Variants in BUB3 observed in about 807,000 individuals in gnomAD.
BUB3 encodes mitotic checkpoint protein BUB3.
BUB3 carries 22 observed loss-of-function variants against 39.9 expected under a neutral mutation model. That is an observed-to-expected ratio of 0.55 (90% CI 0.39 to 0.79). The LOEUF is 0.79. BUB3 is among the 30% of genes least tolerant of loss of function. BUB3 has a pLI of 0.00. For missense variants in BUB3, 303 were observed against 415.4 expected, an observed-to-expected ratio of 0.73 and a Z score of 2.35; for synonymous variants, 168 against 155.1, an observed-to-expected ratio of 1.08 and a Z score of -0.62.
chr10:123,163,722 A>G, intron 7 of BUB3, 98 bp from the exon 8 acceptor site: 2 of 1,080,524 alleles, frequency 1.9e-6, no homozygotes, highest in South Asian at 1.4e-5. Context: ...CCTGTTGGAT[A>G]AAGGGCTGTG....
chr10:123,161,137 T>C (rs927778062), intron 5 of BUB3, among the ~76,000 whole-genome samples: 10 of 152,174 alleles, frequency 6.6e-5, no homozygotes, highest in African/African-American at 2.2e-4. Flanking sequence ...CTAAATGATA[T>C]TAGCCTGTTT....
intron 7 of BUB3, among the ~76,000 whole-genome samples, chr10:123,163,568 C>G (rs17104755): frequency 0.089 from 13,547 of 152,242 alleles, 652 homozygotes; most frequent in Middle Eastern, 0.11. Flanking sequence ...TGAATGTTTT[C>G]AGGATTCCTG....
intron 3 of BUB3, among the ~76,000 whole-genome samples, chr10:123,156,184 A>T (rs1485053081): frequency 6.6e-6 from 1 of 152,236 alleles, no homozygotes; most frequent in African/African-American, 2.4e-5. Flanking sequence ...GTATTTAGCA[A>T]AATATGTTTC....
At chr10:123,154,745 T>TGATGGGGCGAGTCCGGAC in intron 1 of BUB3, 173 bp from the exon 2 acceptor site, 2 of 674,474 alleles carry the variant, frequency 3.0e-6, no homozygotes, top group Non-Finnish European at 2.4e-6. Flanking sequence ...GGGGGCCGGA[T>TGATGGGGCGAGTCCGGAC]GATGGGGCGA....
At chr10:123,157,693 A>T in intron 3 of BUB3, 36 bp from the exon 4 acceptor site, 1 of 1,541,632 alleles carries the variant, frequency 6.5e-7, no homozygotes, top group Non-Finnish European at 8.8e-7. Context: ...AGTAAGCTAG[A>T]TGTTGGGGTT....
rs558156534 is a variant in BUB3, at chr10:123,155,001, G to A, written c.84G>A (p.Gln28=). The A allele has an allele frequency of 2.5e-6, 4 of 1,614,188 alleles. No individual in the cohort carries two copies. In the African/African-American group the frequency reaches 4.0e-5, roughly 16 times the overall value. ...SSVKFSPNTS[Q]FLLVSSWDTS... ...TGAAGTTCAGCCCCAACACCTCCCA[G>A]TTCCTGCTTGTCTCCTCCTGGGACA... The change falls in exon 2 of 8, where the codon CAG becomes CAA. Residue 28 remains glutamine (Q), a synonymous_variant. Coordinates refer to ENST00000368865, the MANE Select transcript of BUB3 (RefSeq NM_004725.4).
chr10:123,154,825 G>T, intron 1 of BUB3, 93 bp from the exon 2 acceptor site: 3 of 1,371,524 alleles, frequency 2.2e-6, no homozygotes, highest in Non-Finnish European at 2.0e-6. Context: ...CGTCCTCTCG[G>T]CCCCTCCCTC....
At position 123,155,660 on chromosome 10, in the gene BUB3, T is replaced by C. The variant is rs745765887; in HGVS notation, c.198T>C (p.Asp66=). Reference sequence around the variant, plus strand: ...AACGGTTCAAAACTATTTTATAGGATCCAACGCATGCCTGGAGTGGAGGAC... The same window carrying C: ...AACGGTTCAAAACTATTTTATAGGACCCAACGCATGCCTGGAGTGGAGGAC... The part of the protein sequence containing the change: ...TGAVLDCAFY[D]PTHAWSGGLD... The change falls in exon 3 of 8, where the codon GAT becomes GAC. Residue 66 remains aspartate, a splice_region_variant and synonymous_variant. Coordinates refer to ENST00000368865, the MANE Select transcript of BUB3 (RefSeq NM_004725.4). The C allele has an allele frequency of 5.1e-5, 82 of 1,613,886 alleles. No individual in the cohort carries two copies. Among genetic ancestry groups the C allele is most frequent in the Non-Finnish European group, 6.9e-5 (81 of 1,179,870 alleles).
At chr10:123,155,202 C>T (rs1307428887) in intron 2 of BUB3, 90 bp downstream of exon 2, 1 of 1,400,186 alleles carries the variant, frequency 7.1e-7, no homozygotes, top group Admixed American at 2.4e-5. Flanking sequence ...TGGGTAGAGG[C>T]GTCTGTCGGT....
At position 123,167,632 on chromosome 10, in the gene BUB3, G is replaced by A. The variant is rs1589693341; in HGVS notation, c.*3797G>A. 6.6e-6 allele frequency: 1 copy of A among 152,100 alleles called. No homozygotes were observed. Among genetic ancestry groups the A allele is most frequent in the African/African-American group, 2.4e-5 (1 of 41,398 alleles). The allele number at this position is 152,100 out of a possible 1,614,324, so 9.4% of individuals were successfully genotyped here. A position where few individuals can be genotyped will look rare whatever the true frequency, so the allele number is the denominator to read the frequency against. ...TTGGAGTATAGACATCTTGTCCAGT[G>A]CACTAGACAGGTGACCTTTGGCTTT... On this transcript the variant is annotated 3_prime_UTR_variant, in exon 8 of 8. Transcript: ENST00000368865.
chr10:123,164,911 T>G lies in BUB3; in HGVS notation c.*1076T>G. On this transcript the variant is annotated 3_prime_UTR_variant, in exon 8 of 8. Transcript: ENST00000368865. Reference sequence around the variant, plus strand: ...CTCTGAGTAGGACTTGGACCTTTCCTGAGATTTATTTTATCCGTGATGTAT... The same window carrying G: ...CTCTGAGTAGGACTTGGACCTTTCCGGAGATTTATTTTATCCGTGATGTAT... 7 of 1,443,144 alleles carry G rather than the reference T, an allele frequency of 4.9e-6. No individual in the cohort carries two copies. The highest frequency in any genetic ancestry group is 2.5e-5 in the East Asian group (1 of 40,562). 89.4% of individuals were successfully genotyped at this position (1,443,144 alleles called of 1,614,324 possible).
rs1442382593 is a variant in BUB3, at chr10:123,168,498, T to C, written c.*4663T>C. The stretch of plus-strand genomic sequence containing the variant: ...GGCCACATGCTGCCCAGGATGGCTT[T>C]GAAGGTGGCCCAAAACAAATTCATA... On this transcript the variant is annotated 3_prime_UTR_variant, in exon 8 of 8. Transcript: ENST00000368865. 6.6e-6 allele frequency: 1 copy of C among 152,204 alleles called. No individual in the cohort carries two copies. Among genetic ancestry groups the C allele is most frequent in the Non-Finnish European group, 1.5e-5 (1 of 68,044 alleles). 9.4% of individuals were successfully genotyped at this position (152,204 alleles called of 1,614,324 possible).
intron 3 of BUB3, among the ~76,000 whole-genome samples, chr10:123,156,753 GT>G (rs756642442): frequency 2.4e-4 from 32 of 135,026 alleles, no homozygotes; most frequent in Admixed American, 3.0e-4. Context: ...TTTCTTTCTT[GT>G]TTTTTTTTTT....
At chr10:123,162,044 C>A (rs1201957322) in intron 5 of BUB3, among the ~76,000 whole-genome samples, 192 bp from the exon 6 acceptor site, 1 of 152,186 alleles carries the variant, frequency 6.6e-6, no homozygotes, top group East Asian at 1.9e-4. Flanking sequence ...GTGAGGAAAG[C>A]ATGTGATGAG....
At chr10:123,156,750 C>CTTTTTTTTTTTT (rs1589688487) in intron 3 of BUB3, among the ~76,000 whole-genome samples, 14 of 123,464 alleles carry the variant, frequency 1.1e-4, no homozygotes, top group African/African-American at 4.7e-4. Context: ...CTTTTTCTTT[C>CTTTTTTTTTTTT]TTGTTTTTTT....
rs1844333113 is a variant in BUB3 at position 123,155,103 on chromosome 10, C to T, written c.186C>T (p.Cys62=). The change falls in exon 2 of 8, where the codon TGC becomes TGT. Residue 62 remains cysteine, a synonymous_variant. Transcript: ENST00000368865. The part of the protein sequence containing the change: ...KYQHTGAVLD[C]AFYDPTHAWS... ...AGCACACCGGCGCCGTCCTGGACTGCGCCTTCTACGTAGGTGCCCTCCCGC... is the reference window on the plus strand; with the variant it reads ...AGCACACCGGCGCCGTCCTGGACTGTGCCTTCTACGTAGGTGCCCTCCCGC... The T allele has an allele frequency of 6.2e-7, 1 of 1,613,510 alleles. No individual in the cohort carries two copies. Among genetic ancestry groups the T allele is most frequent in the African/African-American group, 1.3e-5 (1 of 74,908 alleles).
chr10:123,162,371 A>G lies in BUB3; in HGVS notation c.712A>G (p.Asn238Asp). 2 of 1,614,140 alleles carry G rather than the reference A, an allele frequency of 1.2e-6. No homozygotes were observed. The highest frequency in any genetic ancestry group is 1.7e-6 in the Non-Finnish European group (2 of 1,180,006). ...ENNIEQIYPV[N>D]AISFHNIHNT... ...TAATATTGAGCAGATTTACCCAGTC[A>G]ATGCCATTTCTTTTCACAATATCCA... The change falls in exon 6 of 8, where the codon AAT becomes GAT. Residue 238 changes from asparagine to aspartate, a missense_variant. Around this residue, in one of 2 missense-constraint regions of BUB3, gnomAD observed 182 missense variants for 293.1 expected, o/e 0.62. Coordinates refer to ENST00000368865, the MANE Select transcript of BUB3 (RefSeq NM_004725.4).
At chr10:123,160,659 T>G in intron 5 of BUB3, 94 bp downstream of exon 5, 3 of 1,213,216 alleles carry the variant, frequency 2.5e-6, no homozygotes, top group Non-Finnish European at 3.3e-6. Flanking sequence ...AGCCTTCTTT[T>G]TTTTTTTCAG....
chr10:123,162,757 A>G lies in BUB3; in HGVS notation c.900A>G (p.Glu300=), dbSNP rs1844441874. Residue 300 remains glutamate (E), a synonymous_variant, in exon 7 of 8, where the codon GAA becomes GAG. Coordinates refer to ENST00000368865, the MANE Select transcript of BUB3 (RefSeq NM_004725.4). ...TLAIASSYMY[E]MDDTEHPEDG... ...CAATAGCGTCATCATATATGTATGA[A>G]ATGGATGACACAGAACATCCTGAAG... 34 of 1,614,040 alleles carry G rather than the reference A, an allele frequency of 2.1e-5. No homozygotes were observed. Among genetic ancestry groups the G allele is most frequent in the Non-Finnish European group, 2.9e-5 (34 of 1,179,980 alleles).
Sources: allele counts gnomAD v4.1 joint callset (sites outside exome capture counted in the v4.1 genomes callset), GRCh38; gene constraint gnomAD v4.1.1; regional missense constraint gnomAD v4.1.1; transcripts MANE v1.5; gene names NCBI Gene and HGNC (gene_info 2026-07-23, HGNC 2026-07-21).